Variants in COL5A3 observed in about 807,000 individuals in gnomAD.
COL5A3 encodes collagen alpha-3(V) chain.
A neutral mutation model predicts 250.0 loss-of-function variants in COL5A3; 172 were observed. That is an observed-to-expected ratio of 0.69 (90% CI 0.61 to 0.78). The LOEUF is 0.78. COL5A3 is among the 30% of genes least tolerant of loss of function. The pLI is 0.00. For synonymous variants in COL5A3, 937 were observed against 900.4 expected (o/e 1.04, Z -0.73); for missense variants, 2,340 against 2,334.4 (o/e 1.00, Z -0.05).
At chr19:10,001,702 C>G (rs767565466) in intron 7 of COL5A3, 32 bp from the exon 8 acceptor site, 11 of 1,613,142 alleles carry the variant, frequency 6.8e-6, no homozygotes, top group Non-Finnish European at 9.3e-6. Context: ...AAAGTTTTCC[C>G]TGACCTCCTT....
At position 9,979,699 on chromosome 19, in the gene COL5A3, T is replaced by C. The variant is rs563101403; in HGVS notation, c.2712+140A>G. On this transcript the variant is annotated intron_variant, in intron 37 of 66. Transcript: ENST00000264828. ...CACTCGGGAGGCTGAGGCAGGAGAA[T>C]TGCTTGAACCTGGGAGGCAAAGGTT... 4.1e-5 allele frequency: 34 copies of C among 835,706 alleles called. No individual in the cohort carries two copies. In the East Asian group the frequency reaches 7.6e-4, roughly 19 times the overall value. 51.8% of individuals were successfully genotyped at this position (835,706 alleles called of 1,614,324 possible). A position where few individuals can be genotyped will look rare whatever the true frequency, so the allele number is the denominator to read the frequency against.
Position 9,972,903 on chromosome 19 carries a change from T to TC in COL5A3, c.3774+15dup. ...GCCCCCTCCCATGTCTGCCCCCACT[T>TC]CCCCCCAGGACTCACCACGCTCCCT... On this transcript the variant is annotated intron_variant, in intron 51 of 66. Coordinates refer to ENST00000264828, the MANE Select transcript of COL5A3 (RefSeq NM_015719.4). The TC allele has an allele frequency of 1.3e-6, 2 of 1,548,842 alleles. No homozygotes were observed. The highest frequency in any genetic ancestry group is 2.3e-5 in the East Asian group (1 of 43,130).
At position 9,974,367 on chromosome 19, in the gene COL5A3, G is replaced by A. The variant is rs778901808; in HGVS notation, c.3384C>T (p.Leu1128=). 3.7e-6 allele frequency: 6 copies of A among 1,612,190 alleles called. No individual in the cohort carries two copies. Among genetic ancestry groups the A allele is most frequent in the Non-Finnish European group, 4.2e-6 (5 of 1,179,246 alleles). The part of the protein sequence containing the change: ...GAQGRRGPPG[L]FGQKGDDGVR... ...CTCCGTCATCTCCTTTCTGCCCAAA[G>A]AGGCCTGGGGGTCCCCGGCGCCCCT... Residue 1128 remains leucine (L), a synonymous_variant, in exon 46 of 67, where the codon CTC becomes CTT. Coordinates refer to ENST00000264828, the MANE Select transcript of COL5A3 (RefSeq NM_015719.4).
chr19:9,999,397 T>C (rs1279495286), intron 8 of COL5A3, among the ~76,000 whole-genome samples: 1 of 151,140 alleles, frequency 6.6e-6, no homozygotes, highest in Non-Finnish European at 1.5e-5. Flanking sequence ...AGGGTCTTGC[T>C]ATGTTGCCCA....
chr19:10,003,689 G>C lies in COL5A3; in HGVS notation c.725C>G (p.Pro242Arg). The C allele has an allele frequency of 6.2e-7, 1 of 1,614,142 alleles. No individual in the cohort carries two copies. The change falls in exon 6 of 67, where the codon CCT (proline) becomes CGT (arginine). Residue 242 changes from proline (P) to arginine (R), a missense_variant. This residue lies in a region of COL5A3 where 1,152 missense variants were observed against 1,146.3 expected (regional missense o/e 1.00). Transcript: ENST00000264828. ...TCCCTTCCCCTTCCGCCGAGGACGAGGGGTTTCTGGTTCACCCTGGGGAGC... is the reference window on the plus strand; with the variant it reads ...TCCCTTCCCCTTCCGCCGAGGACGACGGGTTTCTGGTTCACCCTGGGGAGC... Reference protein sequence around the residue: ...TVAPQGEPETPRPRRKGKGKG... With the variant: ...TVAPQGEPETRRPRRKGKGKG...
At chr19:9,985,044 G>A (rs2087079421) in intron 31 of COL5A3, among the ~76,000 whole-genome samples, 1 of 148,720 alleles carries the variant, frequency 6.7e-6, no homozygotes, top group Non-Finnish European at 1.5e-5. Context: ...TGCCTCCTGG[G>A]GTCAAACAAT....
chr19:9,972,016 T>C (rs2086854725), intron 51 of COL5A3, among the ~76,000 whole-genome samples: 1 of 152,244 alleles, frequency 6.6e-6, no homozygotes, highest in Non-Finnish European at 1.5e-5. Context: ...GTTTATTCAC[T>C]CATCTCTTCA....
chr19:9,982,592 C>T (rs1462622947), intron 31 of COL5A3, among the ~76,000 whole-genome samples: 1 of 152,166 alleles, frequency 6.6e-6, no homozygotes, highest in African/African-American at 2.4e-5. Context: ...TCTTATTCCC[C>T]ACTGCCTGGC....
intron 11 of COL5A3, 33 bp from the exon 12 acceptor site, chr19:9,996,722 CAGGGAGAG>C (rs1431326439): frequency 9.7e-6 from 15 of 1,553,878 alleles, no homozygotes; most frequent in Middle Eastern, 1.7e-4. Context: ...GAGGTGGAGA[CAGGGAGAG>C]AGGGAGAGAG....
chr19:9,985,319 G>A (rs1599551795), intron 31 of COL5A3, among the ~76,000 whole-genome samples: 1 of 148,832 alleles, frequency 6.7e-6, no homozygotes, highest in Admixed American at 6.8e-5. Flanking sequence ...GGAGTGCAAT[G>A]GTGCAATCTC....
chr19:9,977,462 C>G lies in COL5A3; in HGVS notation c.3137G>C (p.Gly1046Ala), dbSNP rs1461090238. ...AGKKGSRGERGPPGPTGKDGI... is the reference protein window; with the variant it reads ...AGKKGSRGERAPPGPTGKDGI... ...ATCTTTGCCAGTGGGGCCAGGGGGG[C>G]CACGTTCTCCCTGTTGTGGGGAATG... The change falls in exon 43 of 67, where the codon GGC becomes GCC. Residue 1046 changes from glycine (G) to alanine (A), a missense_variant. By Grantham distance (60) the Gly-to-Ala change is moderately conservative (BLOSUM62 0). Transcript: ENST00000264828. 4.6e-6 allele frequency: 7 copies of G among 1,517,946 alleles called. No individual in the cohort carries two copies. Among genetic ancestry groups the G allele is most frequent in the Middle Eastern group, 3.6e-4 (2 of 5,602 alleles). The allele number at this position is 1,517,946 out of a possible 1,614,324, so 94.0% of individuals were successfully genotyped here. A position where few individuals can be genotyped will look rare whatever the true frequency, so the allele number is the denominator to read the frequency against.
In COL5A3 at chr19:9,996,475, T is replaced by C. The variant is rs1478390128; in HGVS notation, c.1380A>G (p.Ser460=). Residue 460 remains serine (S), a synonymous_variant, in exon 13 of 67, where the codon TCA becomes TCG. Coordinates refer to ENST00000264828, the MANE Select transcript of COL5A3 (RefSeq NM_015719.4). The stretch of plus-strand genomic sequence containing the variant: ...CTGCCTGAGCCTGGGCCTGCTGGAA[T>C]GAGACTGGGGGGCCTTTAAAGGAGC... ...AGGSFKGPPV[S]FQQAQAQAVL... is the part of the protein sequence containing the mutation. 1 of 1,614,074 alleles carries C rather than the reference T, an allele frequency of 6.2e-7. No homozygotes were observed. The highest frequency in any genetic ancestry group is 2.2e-5 in the East Asian group (1 of 44,870).
At chr19:9,997,035 C>T (rs781618204) in intron 11 of COL5A3, 25 of 514,154 alleles carry the variant, frequency 4.9e-5, no homozygotes, top group South Asian at 7.4e-5. Flanking sequence ...GAGAGAGAGG[C>T]GAACATAGAG....
In COL5A3 at chr19:9,973,559, C is replaced by G; in HGVS notation, c.3666+11G>C. The G allele has an allele frequency of 6.2e-7, 1 of 1,609,892 alleles. No homozygotes were observed. Reference sequence around the variant, plus strand: ...AGTTGGGTGCAGGGACCACATCACACAGTCACTCACCGGGATGCCTGGGGC... The same window carrying G: ...AGTTGGGTGCAGGGACCACATCACAGAGTCACTCACCGGGATGCCTGGGGC... On this transcript the variant is annotated intron_variant, in intron 50 of 66. Coordinates refer to ENST00000264828, the MANE Select transcript of COL5A3 (RefSeq NM_015719.4).
chr19:9,980,780 G>C (rs1349252872), intron 34 of COL5A3, 26 bp downstream of exon 34: 14 of 1,613,210 alleles, frequency 8.7e-6, no homozygotes, highest in Admixed American at 5.0e-5. Context: ...GGCATGGGGG[G>C]CCTTGATTGC....
In COL5A3 at chr19:9,981,152, G is replaced by C. The variant is rs201644951; in HGVS notation, c.2461-20C>G. On this transcript the variant is annotated intron_variant, in intron 32 of 66. Coordinates refer to ENST00000264828, the MANE Select transcript of COL5A3 (RefSeq NM_015719.4). ...CTTTCCCTGAAAATGAATTGTAAGA[G>C]AGAAAGCAGAAGAGAGTTAGGGTGC... 1 of 1,613,288 alleles carries C rather than the reference G, an allele frequency of 6.2e-7. No individual in the cohort carries two copies. The highest frequency in any genetic ancestry group is 1.7e-5 in the Admixed American group (1 of 60,020).
intron 65 of COL5A3, 27 bp from the exon 66 acceptor site, chr19:9,960,917 A>T: frequency 6.3e-7 from 1 of 1,596,590 alleles, no homozygotes; most frequent in Non-Finnish European, 8.5e-7. Flanking sequence ...AAGGCAGAGG[A>T]TGAGGGGCTC....
intron 27 of COL5A3, among the ~76,000 whole-genome samples, chr19:9,987,341 A>G (rs562630993): frequency 1.4e-4 from 22 of 152,338 alleles, no homozygotes; most frequent in African/African-American, 5.3e-4. Flanking sequence ...GAGCTTGGCT[A>G]CAAGTTGTTC....
rs2086795875 is a variant in COL5A3, at chr19:9,969,353, G to A, written c.4148C>T (p.Pro1383Leu). ...GAPGQMGPPG[P>L]LGPSGLPGLK... ...AAGGATGAACAAGTCTCTTACCAGG[G>A]GGCCAGGAGGGCCCATCTGTCCAGG... Residue 1383 changes from proline to leucine, a missense_variant, in exon 57 of 67, where the codon CCC becomes CTC. Pro to Leu is a moderately conservative substitution (Grantham distance 98). Transcript: ENST00000264828. 1 of 1,597,082 alleles carries A rather than the reference G, an allele frequency of 6.3e-7. No homozygotes were observed.
Sources: allele counts gnomAD v4.1 joint callset (sites outside exome capture counted in the v4.1 genomes callset), GRCh38; gene constraint gnomAD v4.1.1; regional missense constraint gnomAD v4.1.1; transcripts MANE v1.5; gene names NCBI Gene and HGNC (gene_info 2026-07-23, HGNC 2026-07-21).